The following SCN1A variants were observed in gnomAD, a reference collection of about 807,000 sequenced individuals.
SCN1A encodes the protein sodium voltage-gated channel alpha subunit 1.
In SCN1A, 13 loss-of-function variants were observed where a neutral mutation model predicts 193.7. The observed-to-expected ratio is 0.07, with a 90% confidence interval of 0.04 to 0.11. SCN1A has a LOEUF of 0.11. SCN1A is among the 10% of genes least tolerant of loss of function. SCN1A has a pLI of 1.00. For synonymous variants in SCN1A, 781 were observed against 843.6 expected, an observed-to-expected ratio of 0.93 and a Z score of 1.29; for missense variants, 1,432 against 2,451.1, an observed-to-expected ratio of 0.58 and a Z score of 8.78.
At chr2:166,126,565 A>G (rs574910036) in intron 2 of SCN1A, 27 of 152,316 alleles carry the variant, frequency 1.8e-4, no homozygotes, top group African/African-American at 2.9e-4. Context: ...CTGTCTGGCA[A>G]CATCCTCTTG....
chr2:166,116,021 C>A (rs946213314), intron 2 of SCN1A, among the ~76,000 whole-genome samples: 1 of 152,198 alleles, frequency 6.6e-6, no homozygotes, highest in African/African-American at 2.4e-5. Flanking sequence ...TAGGTCTTCA[C>A]AGAAATGCAA....
chr2:166,008,526 G>A (rs952546243), intron 23 of SCN1A, among the ~76,000 whole-genome samples: 1 of 151,086 alleles, frequency 6.6e-6, no homozygotes, highest in Non-Finnish European at 1.5e-5. Context: ...GATAATTTCT[G>A]TTAACATTTT....
chr2:166,047,524 T>G, intron 11 of SCN1A, 103 bp downstream of exon 11: 1 of 1,311,708 alleles, frequency 7.6e-7, no homozygotes, highest in South Asian at 1.2e-5. Flanking sequence ...CGTTTCAAGT[T>G]CTGCTCTTTC....
chr2:166,047,618 A>G lies in SCN1A; in HGVS notation c.1170+9T>C, dbSNP rs2105866448. The G allele has an allele frequency of 6.2e-7, 1 of 1,613,226 alleles. No homozygotes were observed. The highest frequency in any genetic ancestry group is 1.3e-5 in the African/African-American group (1 of 74,938). On this transcript the variant is annotated intron_variant, in intron 11 of 28. Coordinates refer to ENST00000674923, the MANE Select transcript of SCN1A (RefSeq NM_001165963.4). ...ACTTAAATGGAGAGTGTGGCTCTTT[A>G]GTTCTCACCAGTTGATAAAGATTTT...
At chr2:166,113,374 G>A (rs1219167599) in intron 2 of SCN1A, among the ~76,000 whole-genome samples, 2 of 151,950 alleles carry the variant, frequency 1.3e-5, no homozygotes, top group Non-Finnish European at 2.9e-5. Context: ...AATACATATT[G>A]TTAAATGAAT....
intron 4 of SCN1A, among the ~76,000 whole-genome samples, chr2:166,063,492 A>G (rs748671059): frequency 9.9e-5 from 15 of 152,238 alleles, no homozygotes; most frequent in Non-Finnish European, 1.9e-4. Flanking sequence ...TGTTTAGTAC[A>G]ATATTTGCAA....
chr2:166,076,644 T>C (rs1193448605), intron 3 of SCN1A, among the ~76,000 whole-genome samples: 1 of 151,944 alleles, frequency 6.6e-6, no homozygotes, highest in Non-Finnish European at 1.5e-5. Context: ...AGACTTACTG[T>C]AAAGCTGCAG....
chr2:166,063,190 C>T lies in SCN1A; in HGVS notation c.265-4502G>A, dbSNP rs575176214. Among the ~76,000 whole-genome samples the T allele has an allele frequency of 8.5e-5, 13 of 152,190 alleles. No homozygotes were observed. In the South Asian group the frequency reaches 1.9e-3, roughly 22 times the overall value. On this transcript the variant is annotated intron_variant, in intron 4 of 28. Coordinates refer to ENST00000674923, the MANE Select transcript of SCN1A (RefSeq NM_001165963.4). The stretch of plus-strand genomic sequence containing the variant: ...AAATAGAACTGTTTGAAATTAATAA[C>T]ATCATTTTAACACGTGGATAATTTT...
At chr2:166,110,807 G>T (rs928849075) in intron 2 of SCN1A, among the ~76,000 whole-genome samples, 1 of 152,304 alleles carries the variant, frequency 6.6e-6, no homozygotes, top group Non-Finnish European at 1.5e-5. Context: ...CCAGTGGGAG[G>T]TAATTGAATC....
intron 2 of SCN1A, among the ~76,000 whole-genome samples, chr2:166,090,627 G>T (rs1489781355): frequency 6.6e-6 from 1 of 152,014 alleles, no homozygotes; most frequent in East Asian, 1.9e-4. Context: ...CAGTCACTAG[G>T]TATGAGACAT....
chr2:166,031,081 T>C (rs1695492061), intron 19 of SCN1A, among the ~76,000 whole-genome samples: 1 of 152,118 alleles, frequency 6.6e-6, no homozygotes, highest in Non-Finnish European at 1.5e-5. Context: ...ATTCCTCAAA[T>C]TACTTGAATG....
intron 4 of SCN1A, among the ~76,000 whole-genome samples, chr2:166,067,841 T>C (rs1684013230): frequency 6.6e-6 from 1 of 151,996 alleles, no homozygotes; most frequent in Non-Finnish European, 1.5e-5. Context: ...GGTTAGTATA[T>C]GACAGAGACC....
chr2:166,065,443 T>C (rs1397536079), intron 4 of SCN1A, among the ~76,000 whole-genome samples: 2 of 152,124 alleles, frequency 1.3e-5, no homozygotes, highest in East Asian at 1.9e-4. Context: ...TAATATTTTT[T>C]CCCCAAGGAC....
intron 10 of SCN1A, 49 bp downstream of exon 10, chr2:166,048,837 G>GTACACATACA: frequency 9.0e-7 from 1 of 1,113,580 alleles, no homozygotes; most frequent in Non-Finnish European, 1.4e-6. Context: ...ATACACATAT[G>GTACACATACA]TATGTGTACA....
At chr2:166,026,887 G>T (rs1260280369) in intron 19 of SCN1A, among the ~76,000 whole-genome samples, 1 of 151,882 alleles carries the variant, frequency 6.6e-6, no homozygotes, top group Admixed American at 6.6e-5. Context: ...GTTTCACCGT[G>T]TTAGCCAGGG....
In SCN1A at chr2:166,009,413, C is replaced by T. The variant is rs144157765; in HGVS notation, c.4002+306G>A. 6.6e-3 allele frequency: 1,400 copies of T among 211,454 alleles called. 55 individuals carry two copies. In the Admixed American group the frequency reaches 0.069, roughly 10 times the overall value. The allele number at this position is 211,454 out of a possible 1,614,324, so 13.1% of individuals were successfully genotyped here. ...ACTTTAGATTACCATTATATCATTA[C>T]ACATAGTACTTTAATAATGCATCAG... On this transcript the variant is annotated intron_variant, in intron 23 of 28. Transcript: ENST00000674923.
At chr2:166,056,859 ATTGAC>A (rs1187813189) in intron 5 of SCN1A, among the ~76,000 whole-genome samples, 1 of 152,072 alleles carries the variant, frequency 6.6e-6, no homozygotes, top group Non-Finnish European at 1.5e-5. Flanking sequence ...AGCAGAAAGT[ATTGAC>A]TTGAGCTCAT....
At chr2:166,059,180 CATT>C (rs1683013834) in intron 4 of SCN1A, among the ~76,000 whole-genome samples, 1 of 152,110 alleles carries the variant, frequency 6.6e-6, no homozygotes, top group South Asian at 2.1e-4. Context: ...ATAAAATAAA[CATT>C]ATCACTCTCT....
intron 19 of SCN1A, among the ~76,000 whole-genome samples, chr2:166,020,609 A>G (rs1221099965): frequency 6.6e-6 from 1 of 152,226 alleles, no homozygotes; most frequent in African/African-American, 2.4e-5. Context: ...TGAAAAATGC[A>G]TTTAAAAAGT....
Sources: gnomAD v4.1 joint callset for allele counts (sites outside exome capture counted in the v4.1 genomes callset) on GRCh38, gnomAD v4.1.1 for gene constraint, MANE v1.5 for transcripts, NCBI Gene and HGNC (gene_info 2026-07-23, HGNC 2026-07-21) for gene names.